BRF1: variants seen among roughly 807,000 people sequenced by gnomAD.
BRF1 encodes transcription factor IIIB 90 kDa subunit.
A neutral mutation model predicts 81.7 loss-of-function variants in BRF1; 59 were observed. That is an observed-to-expected ratio of 0.72 (90% CI 0.59 to 0.90). The LOEUF (loss-of-function observed/expected upper bound fraction) is 0.90. BRF1 is among the 40% of genes least tolerant of loss of function. BRF1 has a pLI of 0.00. For missense variants in BRF1, 1,050 were observed against 936.3 expected, an observed-to-expected ratio of 1.12 and a Z score of -1.58; for synonymous variants, 491 against 395.6, an observed-to-expected ratio of 1.24 and a Z score of -2.86.
At position 105,211,139 on chromosome 14, in the gene BRF1, T is replaced by G. The variant is rs1480722699; in HGVS notation, c.1979A>C (p.Gln660Pro). 6.2e-7 allele frequency: 1 copy of G among 1,612,588 alleles called. No individual in the cohort carries two copies. Among genetic ancestry groups the G allele is most frequent in the South Asian group, 1.1e-5 (1 of 91,064 alleles). The change falls in exon 17 of 18, where the codon CAG becomes CCG. Residue 660 changes from glutamine (Q) to proline (P), a missense_variant. Physicochemically the swap from Gln to Pro is moderately conservative, Grantham distance 76. Around this residue, in one of 2 missense-constraint regions of BRF1, gnomAD observed 1,043 missense variants for 915.4 expected, o/e 1.14. Transcript: ENST00000547530. ...CCACCCACCGTTGCTGCCCATCATC[T>G]GCAGGGCACTGACGCAGGGCTCCCC... is the stretch of plus-strand genomic sequence containing the variant. ...EDGEPCVSAL[Q>P]MMGSNDYGCD...
At chr14:105,275,004 C>T (rs1034279857) in intron 2 of BRF1, among the ~76,000 whole-genome samples, 6 of 152,226 alleles carry the variant, frequency 3.9e-5, no homozygotes, top group Non-Finnish European at 7.3e-5. Context: ...CACAGTCCTC[C>T]TGCAAAGACT....
At chr14:105,307,456 C>T (rs904377957) in intron 1 of BRF1, among the ~76,000 whole-genome samples, 3 of 152,212 alleles carry the variant, frequency 2.0e-5, no homozygotes, top group African/African-American at 4.8e-5. Flanking sequence ...CCTTCACCCC[C>T]TCCCTGTCCT....
intron 15 of BRF1, among the ~76,000 whole-genome samples, chr14:105,215,961 A>C (rs1327173590): frequency 1.4e-5 from 2 of 141,396 alleles, no homozygotes; most frequent in Non-Finnish European, 1.5e-5. Flanking sequence ...AGGCACACAC[A>C]CACATGCACA....
intron 10 of BRF1, 125 bp downstream of exon 10, chr14:105,225,944 T>G (rs1893016023): frequency 4.0e-6 from 4 of 1,011,956 alleles, no homozygotes; most frequent in South Asian, 1.6e-5. Flanking sequence ...CCCTGCCCGG[T>G]GGTAAACTTA....
chr14:105,263,535 C>A (rs1039198333), intron 3 of BRF1, among the ~76,000 whole-genome samples: 2 of 152,156 alleles, frequency 1.3e-5, no homozygotes, highest in Non-Finnish European at 2.9e-5. Flanking sequence ...GAAGGGACAC[C>A]TGGGTCCTGC....
intron 5 of BRF1, among the ~76,000 whole-genome samples, chr14:105,252,205 G>A (rs372247419): frequency 2.6e-5 from 4 of 152,146 alleles, no homozygotes; most frequent in South Asian, 2.1e-4. Context: ...GGCCAGGTGC[G>A]GTCTCATGCC....
At position 105,262,970 on chromosome 14, in the gene BRF1, G is replaced by T. The variant is rs587707736; in HGVS notation, c.440-6421C>A. On this transcript the variant is annotated intron_variant, in intron 3 of 17. Coordinates refer to ENST00000547530, the MANE Select transcript of BRF1 (RefSeq NM_001519.4). ...AAAAAAAAAAAAGTGGCTGGACACG[G>T]TGGCTCACGCCTGTAATCCCAACAC... Among the ~76,000 whole-genome samples the T allele has an allele frequency of 8.5e-5, 13 of 152,184 alleles. No homozygotes were observed. In the South Asian group the frequency reaches 2.7e-3, roughly 32 times the overall value.
intron 17 of BRF1, 27 bp downstream of exon 17, chr14:105,211,095 C>T (rs1366315336): frequency 1.9e-6 from 3 of 1,610,428 alleles, no homozygotes; most frequent in Non-Finnish European, 1.7e-6. Context: ...TCCCTTGAAC[C>T]CCTCCCTGTT....
At position 105,224,896 on chromosome 14, in the gene BRF1, C is replaced by T. The variant is rs1892846770; in HGVS notation, c.1048+1173G>A. 2.0e-5 allele frequency among the ~76,000 whole-genome samples: 3 copies of T among 152,224 alleles called. No homozygotes were observed. In the South Asian group the frequency reaches 6.2e-4, roughly 32 times the overall value. On this transcript the variant is annotated intron_variant, in intron 10 of 17. Transcript: ENST00000547530. ...TCTGAATGTGTTCCAATACAAGATT[C>T]CTGGCTAGCACTGAGTCCCGGAGGG...
chr14:105,307,548 C>G (rs1388379315), intron 1 of BRF1, among the ~76,000 whole-genome samples: 1 of 152,202 alleles, frequency 6.6e-6, no homozygotes, highest in African/African-American at 2.4e-5. Flanking sequence ...GCGGTTGTCT[C>G]TGTGTCTGTC....
chr14:105,262,344 G>A (rs2056197684), intron 3 of BRF1, among the ~76,000 whole-genome samples: 1 of 152,204 alleles, frequency 6.6e-6, no homozygotes, highest in African/African-American at 2.4e-5. Context: ...GGTGCTCTGG[G>A]AGTCCCTGAA....
At chr14:105,217,252 C>T (rs948228534) in intron 15 of BRF1, 13 of 529,648 alleles carry the variant, frequency 2.5e-5, no homozygotes, top group African/African-American at 1.1e-4. Flanking sequence ...GAGAAGGCAC[C>T]GACCCCACGG....
chr14:105,249,384 G>A (rs367795955), intron 5 of BRF1: 13 of 1,612,322 alleles, frequency 8.1e-6, no homozygotes, highest in Non-Finnish European at 1.1e-5. Context: ...CGGCAGCTCC[G>A]TCTTCTATGC....
chr14:105,228,762 T>G, intron 7 of BRF1, 58 bp downstream of exon 7: 1 of 1,588,556 alleles, frequency 6.3e-7, no homozygotes, highest in Admixed American at 1.7e-5. Flanking sequence ...CAAGCAGGCC[T>G]GAGCTGGACT....
At chr14:105,293,100 G>C (rs1373919402) in intron 1 of BRF1, among the ~76,000 whole-genome samples, 1 of 152,168 alleles carries the variant, frequency 6.6e-6, no homozygotes, top group Non-Finnish European at 1.5e-5. Context: ...ATGGAGCAGA[G>C]GCAGAAGCCT....
chr14:105,221,938 T>C, intron 10 of BRF1, 24 bp from the exon 11 acceptor site: 1 of 1,543,592 alleles, frequency 6.5e-7, no homozygotes, highest in Non-Finnish European at 8.7e-7. Flanking sequence ...ATCCACCTGT[T>C]AACCAGGCAG....
intron 5 of BRF1, chr14:105,248,096 A>G (rs1040947109): frequency 1.0e-6 from 1 of 985,330 alleles, no homozygotes; most frequent in Non-Finnish European, 1.2e-6. Context: ...TATTTCCTCG[A>G]GGAAAATGCC....
intron 2 of BRF1, 69 bp from the exon 3 acceptor site, chr14:105,272,963 C>T (rs1341398305): frequency 4.1e-6 from 6 of 1,461,238 alleles, no homozygotes; most frequent in Non-Finnish European, 5.5e-6. Context: ...CACACGGCCA[C>T]AGCAGCAACT....
chr14:105,217,302 C>T (rs985299970), intron 15 of BRF1: 7 of 621,828 alleles, frequency 1.1e-5, no homozygotes, highest in Middle Eastern at 8.6e-4. Flanking sequence ...AGAGCCTAGG[C>T]TGCAGGACCC....
Sources: allele counts gnomAD v4.1 joint callset (sites outside exome capture counted in the v4.1 genomes callset), GRCh38; gene constraint gnomAD v4.1.1; regional missense constraint gnomAD v4.1.1; transcripts MANE v1.5; gene names NCBI Gene and HGNC (gene_info 2026-07-23, HGNC 2026-07-21).